Variants in EFNA2 observed in about 807,000 individuals in gnomAD.
EFNA2 encodes the protein ephrin A2.
Under a neutral mutation model 19.7 loss-of-function variants are expected in EFNA2, and 18 were observed. The ratio of observed to expected loss-of-function variants is 0.91; its 90% CI spans 0.63 to 1.35. The LOEUF (loss-of-function observed/expected upper bound fraction) is 1.35, where lower values mean the gene tolerates loss of function less well. Ranked by LOEUF, EFNA2 falls within the 40% of genes most tolerant of loss-of-function variation. The pLI, the probability that EFNA2 is intolerant of heterozygous loss-of-function variation, is 0.00. For synonymous variants in EFNA2, 187 were observed against 137.8 expected, an observed-to-expected ratio of 1.36 and a Z score of -2.50; for missense variants, 303 against 296.0, an observed-to-expected ratio of 1.02 and a Z score of -0.17.
At position 1,300,639 on chromosome 19, in the gene EFNA2, A is replaced by G. The variant is rs113993299; in HGVS notation, c.*694A>G. 0.03 allele frequency among the ~76,000 whole-genome samples: 4,507 copies of G among 152,100 alleles called. 61 individuals are homozygous for G. The highest frequency in any genetic ancestry group is 0.065 in the Middle Eastern group (19 of 294). ...TGGGTGAGTCTGAGCCGGAAGGGGT[A>G]CGTGGTGGGCGCCCCTCATTGTGGC... On this transcript the variant is annotated 3_prime_UTR_variant, in exon 4 of 4. Coordinates refer to ENST00000215368, the MANE Select transcript of EFNA2 (RefSeq NM_001405.4).
intron 1 of EFNA2, among the ~76,000 whole-genome samples, chr19:1,290,424 C>T (rs999395492): frequency 2.6e-5 from 4 of 152,186 alleles, no homozygotes; most frequent in African/African-American, 7.2e-5. Flanking sequence ...GGCGGGGGGC[C>T]GTGAACGCAG....
chr19:1,301,114 CA>C lies in EFNA2; in HGVS notation c.*1182del, dbSNP rs34167171. 0.8 allele frequency among the ~76,000 whole-genome samples: 113,735 copies of C among 142,914 alleles called. 44,851 individuals are homozygous for C. The highest frequency in any genetic ancestry group is 0.95 in the East Asian group (4,743 of 4,972). The allele number at this position is 142,914 out of a possible 152,430, so 93.8% of individuals were successfully genotyped here. A position where few individuals can be genotyped will look rare whatever the true frequency, so the allele number is the denominator to read the frequency against. ...AGGACAAAAGGGAGGGAACCACTAC[CA>C]AAAAAAAAAAAAGAAACTCCTCCCC... On this transcript the variant is annotated 3_prime_UTR_variant, in exon 4 of 4. Transcript: ENST00000215368.
At position 1,288,744 on chromosome 19, in the gene EFNA2, C is replaced by T. The variant is rs141336754; in HGVS notation, c.140+2436C>T. On this transcript the variant is annotated intron_variant, in intron 1 of 3. Transcript: ENST00000215368. ...CGATGCCTGCACCCAGGGGACCCCGCACCCACCTCCTTGGGCCGCTATAAG... is the reference window on the plus strand; with the variant it reads ...CGATGCCTGCACCCAGGGGACCCCGTACCCACCTCCTTGGGCCGCTATAAG... 2.5e-3 allele frequency among the ~76,000 whole-genome samples: 378 copies of T among 152,202 alleles called. 9 individuals are homozygous for T. The East Asian group carries it at 0.064, about 26-fold the overall frequency.
At chr19:1,298,002 G>A (rs2144624446) in intron 2 of EFNA2, among the ~76,000 whole-genome samples, 1 of 148,626 alleles carries the variant, frequency 6.7e-6, no homozygotes. Flanking sequence ...AACCCGGGAG[G>A]CTGAGATTGC....
At chr19:1,285,066 G>T (rs532517617), upstream of EFNA2, among the ~76,000 whole-genome samples, 3 of 152,198 alleles carry the variant, frequency 2.0e-5, no homozygotes, top group African/African-American at 2.4e-5. This position sits in a 1 kb window ranked among gnomAD's most constrained non-coding sequence, Gnocchi z 4.1. Flanking sequence ...TGGCCAACAT[G>T]GCCAGACACT....
At chr19:1,288,759 G>A (rs1280876923) in intron 1 of EFNA2, among the ~76,000 whole-genome samples, 1 of 152,046 alleles carries the variant, frequency 6.6e-6, no homozygotes, top group Non-Finnish European at 1.5e-5. Context: ...ACCTCCTTGG[G>A]CCGCTATAAG....
At position 1,301,091 on chromosome 19, in the gene EFNA2, G is replaced by C. The variant is rs1345064640; in HGVS notation, c.*1146G>C. Among the ~76,000 whole-genome samples, 2 of 130,318 alleles carry C rather than the reference G, an allele frequency of 1.5e-5. No individual in the cohort carries two copies. Among genetic ancestry groups the C allele is most frequent in the Non-Finnish European group, 3.2e-5 (2 of 63,168 alleles). The allele number at this position is 130,318 out of a possible 152,430, so 85.5% of individuals were successfully genotyped here. On this transcript the variant is annotated 3_prime_UTR_variant, in exon 4 of 4. Coordinates refer to ENST00000215368, the MANE Select transcript of EFNA2 (RefSeq NM_001405.4). ...ATGTTTCTAAGAAAAAGAAAAAAAGGACAAAAGGGAGGGAACCACTACCAA... is the reference window on the plus strand; with the variant it reads ...ATGTTTCTAAGAAAAAGAAAAAAAGCACAAAAGGGAGGGAACCACTACCAA...
At position 1,287,506 on chromosome 19, in the gene EFNA2, C is replaced by G. The variant is rs2081471066; in HGVS notation, c.140+1198C>G. 6.6e-6 allele frequency among the ~76,000 whole-genome samples: 1 copy of G among 152,118 alleles called. No individual in the cohort carries two copies. Among genetic ancestry groups the G allele is most frequent in the African/African-American group, 2.4e-5 (1 of 41,418 alleles). On this transcript the variant is annotated intron_variant, in intron 1 of 3. Transcript: ENST00000215368. The surrounding 1 kb of genome is among the most constrained non-coding windows in gnomAD (Gnocchi z 6.2). ...CCCTCTGTCTCCTGCTGTCCTCGGT[C>G]CCCGGGAGGAAAGTTGCATGAAGGG...
chr19:1,292,826 C>T (rs767272838), intron 1 of EFNA2, among the ~76,000 whole-genome samples: 8 of 152,268 alleles, frequency 5.3e-5, no homozygotes, highest in Non-Finnish European at 7.4e-5. Flanking sequence ...AGACCCTCAC[C>T]GCAGCCTGGA....
At chr19:1,285,137 C>T (rs1337499225), upstream of EFNA2, among the ~76,000 whole-genome samples, 1 of 152,208 alleles carries the variant, frequency 6.6e-6, no homozygotes, top group Non-Finnish European at 1.5e-5. The surrounding 1 kb of genome is among the most constrained non-coding windows in gnomAD (Gnocchi z 4.1). Flanking sequence ...CCACCTGTGT[C>T]AGCCTACCAG....
chr19:1,297,934 T>G lies in EFNA2; in HGVS notation c.455-617T>G, dbSNP rs1277133506. Among the ~76,000 whole-genome samples the G allele has an allele frequency of 6.6e-6, 1 of 151,866 alleles. No homozygotes were observed. Among genetic ancestry groups the G allele is most frequent in the African/African-American group, 2.4e-5 (1 of 41,300 alleles). ...TAAAAATACAAAAATTAGCCAGGCA[T>G]GGTGGCACACATTTGTAATCCTGTT... On this transcript the variant is annotated intron_variant, in intron 2 of 3. Coordinates refer to ENST00000215368, the MANE Select transcript of EFNA2 (RefSeq NM_001405.4). The surrounding 1 kb of genome is among the most constrained non-coding windows in gnomAD (Gnocchi z 5.0).
At chr19:1,293,508 T>C (rs2081500815) in intron 1 of EFNA2, among the ~76,000 whole-genome samples, 1 of 152,206 alleles carries the variant, frequency 6.6e-6, no homozygotes, top group African/African-American at 2.4e-5. Flanking sequence ...AGGGAGCCTC[T>C]GAGAGGAGGC....
chr19:1,287,702 C>T lies in EFNA2; in HGVS notation c.140+1394C>T, dbSNP rs189778639. 1.9e-4 allele frequency among the ~76,000 whole-genome samples: 29 copies of T among 151,912 alleles called. No individual in the cohort carries two copies. In the East Asian group the frequency reaches 5.5e-3, roughly 29 times the overall value. Reference sequence around the variant, plus strand: ...ACGGCTGGCCCACCTCAGAGCGGGTCCCCGAGCCGCCCGCTGTGCTGGTCA... The same window carrying T: ...ACGGCTGGCCCACCTCAGAGCGGGTTCCCGAGCCGCCCGCTGTGCTGGTCA... On this transcript the variant is annotated intron_variant, in intron 1 of 3. Transcript: ENST00000215368. The surrounding 1 kb of genome is among the most constrained non-coding windows in gnomAD (Gnocchi z 6.2).
At position 1,294,331 on chromosome 19, in the gene EFNA2, A is replaced by AGCC. The variant is rs1250280297; in HGVS notation, c.141-1209_141-1207dup. Among the ~76,000 whole-genome samples the AGCC allele has an allele frequency of 6.6e-6, 1 of 152,012 alleles. No homozygotes were observed. The highest frequency in any genetic ancestry group is 2.4e-5 in the African/African-American group (1 of 41,372). On this transcript the variant is annotated intron_variant, in intron 1 of 3. Coordinates refer to ENST00000215368, the MANE Select transcript of EFNA2 (RefSeq NM_001405.4). The surrounding 1 kb of genome is among the most constrained non-coding windows in gnomAD (Gnocchi z 5.8). Reference sequence around the variant, plus strand: ...TCGCCCGAGGCAGTGAGGGAAGGGGAGCCGCCGGTCCCTTCCTCGGCTGAT... The same window carrying AGCC: ...TCGCCCGAGGCAGTGAGGGAAGGGGAGCCGCCGCCGGTCCCTTCCTCGGCTGAT...
rs573339975 is a variant in EFNA2, at chr19:1,290,812, G to A, written c.140+4504G>A. 3.2e-4 allele frequency among the ~76,000 whole-genome samples: 48 copies of A among 152,298 alleles called. No homozygotes were observed. The South Asian group carries it at 4.6e-3, about 14-fold the overall frequency. ...CCCACCGTCCCGTCGCCCCAGACACGCGGCTGGAGCCTGCGGAGGAGCAGA... is the reference window on the plus strand; with the variant it reads ...CCCACCGTCCCGTCGCCCCAGACACACGGCTGGAGCCTGCGGAGGAGCAGA... On this transcript the variant is annotated intron_variant, in intron 1 of 3. Coordinates refer to ENST00000215368, the MANE Select transcript of EFNA2 (RefSeq NM_001405.4).
chr19:1,289,715 G>A (rs2081482502), intron 1 of EFNA2, among the ~76,000 whole-genome samples: 1 of 152,200 alleles, frequency 6.6e-6, no homozygotes, highest in Non-Finnish European at 1.5e-5. Context: ...CAGCAGCCGG[G>A]TTCCCCTCAA....
In EFNA2 at chr19:1,287,834, G is replaced by A. The variant is rs1024677200; in HGVS notation, c.140+1526G>A. On this transcript the variant is annotated intron_variant, in intron 1 of 3. Coordinates refer to ENST00000215368, the MANE Select transcript of EFNA2 (RefSeq NM_001405.4). This position sits in a 1 kb window ranked among gnomAD's most constrained non-coding sequence, Gnocchi z 6.2. ...AGCTGCGGAATCTCCCGTCCCCAGC[G>A]TGGCCTGTCCTTTGTTCTAGCAAAC... Among the ~76,000 whole-genome samples the A allele has an allele frequency of 1.3e-5, 2 of 152,258 alleles. No individual in the cohort carries two copies. The highest frequency in any genetic ancestry group is 4.8e-5 in the African/African-American group (2 of 41,468).
chr19:1,299,128 C>G (rs2081528835), intron 3 of EFNA2, among the ~76,000 whole-genome samples: 1 of 152,044 alleles, frequency 6.6e-6, no homozygotes, highest in South Asian at 2.1e-4. Flanking sequence ...ATCCCAGCTA[C>G]TCAGGAGACT....
rs1033553663 is a variant in EFNA2, at chr19:1,287,390, A to C, written c.140+1082A>C. On this transcript the variant is annotated intron_variant, in intron 1 of 3. Transcript: ENST00000215368. This position sits in a 1 kb window ranked among gnomAD's most constrained non-coding sequence, Gnocchi z 6.2. ...TCGGGGGCTGAGGCGGCCCCCCCCC[A>C]CTCTTCTGCTACTGGTCACTTTCTC... Among the ~76,000 whole-genome samples the C allele has an allele frequency of 1.9e-4, 29 of 150,084 alleles. No individual in the cohort carries two copies. In the East Asian group the frequency reaches 5.5e-3, roughly 29 times the overall value.
Sources: gnomAD v4.1 joint callset for allele counts (sites outside exome capture counted in the v4.1 genomes callset) on GRCh38, gnomAD v4.1.1 for gene constraint, Gnocchi (gnomAD v3.1) non-coding constraint, MANE v1.5 for transcripts, NCBI Gene and HGNC (gene_info 2026-07-23, HGNC 2026-07-21) for gene names.